The following NXNL2 variants were observed in gnomAD, a reference collection of about 807,000 sequenced individuals.
NXNL2 encodes nucleoredoxin like 2.
A neutral mutation model predicts 11.1 loss-of-function variants in NXNL2; 7 were observed. The observed-to-expected ratio is 0.63, with a 90% CI of 0.36 to 1.18. The LOEUF is 1.18. Among genes scored for constraint, NXNL2 ranks in the 50% most tolerant of loss-of-function variants. NXNL2 has a pLI of 0.02. For missense variants in NXNL2, 233 were observed against 217.7 expected, an observed-to-expected ratio of 1.07 and a Z score of -0.44; for synonymous variants, 109 against 101.8, an observed-to-expected ratio of 1.07 and a Z score of -0.42.
chr9:88,562,411 A>G (rs188718990), intron 1 of NXNL2, among the ~76,000 whole-genome samples: 1 of 152,104 alleles, frequency 6.6e-6, no homozygotes, highest in Non-Finnish European at 1.5e-5. Context: ...CAGGCCCTTC[A>G]TTTCTGTTAA....
At chr9:88,573,637 A>AG (rs1233442751) in intron 2 of NXNL2, among the ~76,000 whole-genome samples, 1 of 152,192 alleles carries the variant, frequency 6.6e-6, no homozygotes, top group Non-Finnish European at 1.5e-5. Context: ...GAAATGGTAG[A>AG]CTGGTGGTTG....
chr9:88,582,173 T>C (rs2118561453), intron 1 of NXNL2, among the ~76,000 whole-genome samples: 1 of 152,330 alleles, frequency 6.6e-6, no homozygotes, highest in African/African-American at 2.4e-5. Context: ...GGGGAGGATG[T>C]TCTTCATTAG....
chr9:88,570,657 C>T (rs1254178976), intron 1 of NXNL2, among the ~76,000 whole-genome samples: 7 of 152,142 alleles, frequency 4.6e-5, no homozygotes, highest in East Asian at 1.9e-4. Context: ...GCATCCAGCA[C>T]GCAGCAAACA....
chr9:88,549,689 GCTTTA>G (rs377362841), downstream of NXNL2, among the ~76,000 whole-genome samples: 72 of 152,328 alleles, frequency 4.7e-4, no homozygotes, highest in African/African-American at 1.6e-3. Context: ...GGTTCTGCAG[GCTTTA>G]CAGGAAGCAT....
At chr9:88,553,445 G>T (rs1474783684) in intron 1 of NXNL2, among the ~76,000 whole-genome samples, 3 of 152,154 alleles carry the variant, frequency 2.0e-5, no homozygotes, top group Non-Finnish European at 4.4e-5. Context: ...TTGAGGCCCA[G>T]CCCATGTGGC....
intron 1 of NXNL2, among the ~76,000 whole-genome samples, chr9:88,536,085 C>G (rs1480153849): frequency 6.6e-6 from 1 of 152,146 alleles, no homozygotes; most frequent in African/African-American, 2.4e-5. Context: ...GGCTCGGCTC[C>G]GGGAACCGCC....
intron 1 of NXNL2, among the ~76,000 whole-genome samples, chr9:88,538,058 A>G (rs1829665642): frequency 1.3e-5 from 2 of 152,206 alleles, no homozygotes; most frequent in Admixed American, 6.5e-5. Flanking sequence ...TACCATGACA[A>G]CATTCTCTCC....
downstream of NXNL2, among the ~76,000 whole-genome samples, chr9:88,580,514 T>C (rs1305804230): frequency 6.6e-6 from 1 of 151,654 alleles, no homozygotes; most frequent in Admixed American, 6.6e-5. Context: ...AGCTTCTCTC[T>C]TTTTTTTTCT....
chr9:88,545,065 T>A (rs1253654445), downstream of NXNL2: 1 of 182,524 alleles, frequency 5.5e-6, no homozygotes, highest in African/African-American at 2.4e-5. Flanking sequence ...TAAATATGTC[T>A]TATTTGTCAC....
intron 1 of NXNL2, among the ~76,000 whole-genome samples, chr9:88,551,824 C>T (rs1829936324): frequency 1.3e-5 from 2 of 152,330 alleles, no homozygotes; most frequent in East Asian, 1.9e-4. Context: ...TATCTCCTAT[C>T]AGGAGGAGGG....
chr9:88,580,107 C>G (rs1469947227), downstream of NXNL2, among the ~76,000 whole-genome samples: 1 of 150,750 alleles, frequency 6.6e-6, no homozygotes, highest in African/African-American at 2.4e-5. Context: ...CCATTGCACG[C>G]TAGCCTGGGT....
intron 1 of NXNL2, among the ~76,000 whole-genome samples, chr9:88,583,560 A>C (rs920217546): frequency 3.9e-5 from 6 of 152,160 alleles, no homozygotes; most frequent in African/African-American, 1.4e-4. Context: ...GGGGCATGAA[A>C]TCTTAGGATG....
downstream of NXNL2, among the ~76,000 whole-genome samples, chr9:88,576,331 T>C (rs2118550065): frequency 6.6e-6 from 1 of 152,372 alleles, no homozygotes; most frequent in South Asian, 2.1e-4. Flanking sequence ...ACTCCTTTTA[T>C]ACCTGGTTCA....
intron 1 of NXNL2, among the ~76,000 whole-genome samples, chr9:88,560,971 C>A (rs1830078697): frequency 1.3e-5 from 2 of 152,196 alleles, no homozygotes; most frequent in Non-Finnish European, 2.9e-5. Context: ...TATCTTTATG[C>A]AATTAAAAAT....
At chr9:88,548,545 A>C (rs540127038), downstream of NXNL2, among the ~76,000 whole-genome samples, 1 of 148,886 alleles carries the variant, frequency 6.7e-6, no homozygotes, top group South Asian at 2.1e-4. Flanking sequence ...AAAAATAGCC[A>C]GGCATGGTGG....
At chr9:88,573,544 G>A (rs1007298971) in intron 2 of NXNL2, among the ~76,000 whole-genome samples, 3 of 152,160 alleles carry the variant, frequency 2.0e-5, no homozygotes, top group Non-Finnish European at 2.9e-5. Context: ...ATAATAAAAT[G>A]GACATGTTTT....
chr9:88,549,351 C>T (rs932021493), downstream of NXNL2, among the ~76,000 whole-genome samples: 2 of 152,190 alleles, frequency 1.3e-5, no homozygotes, highest in Non-Finnish European at 2.9e-5. Flanking sequence ...GTTTCTCTTT[C>T]TTGTCATTCT....
intron 1 of NXNL2, among the ~76,000 whole-genome samples, chr9:88,540,298 C>G (rs1050272913): frequency 7.9e-5 from 12 of 150,970 alleles, no homozygotes; most frequent in African/African-American, 2.2e-4. Context: ...TACCACTGCA[C>G]TCCAGTCTGG....
chr9:88,583,366 T>C (rs186600813), intron 1 of NXNL2, among the ~76,000 whole-genome samples: 46 of 152,348 alleles, frequency 3.0e-4, no homozygotes, highest in Non-Finnish European at 4.4e-5. Flanking sequence ...TGAGAGGGAA[T>C]GTTCTCTGAA....
Sources: gnomAD v4.1 joint callset for allele counts (sites outside exome capture counted in the v4.1 genomes callset) on GRCh38, gnomAD v4.1.1 for gene constraint, MANE v1.5 for transcripts, NCBI Gene and HGNC (gene_info 2026-07-23, HGNC 2026-07-21) for gene names.